IGSF11: variants seen among roughly 807,000 people sequenced by gnomAD.
IGSF11 encodes the protein immunoglobulin superfamily member 11.
Under a neutral mutation model 41.0 loss-of-function variants are expected in IGSF11, and 22 were observed. The ratio of observed to expected loss-of-function variants is 0.54; its 90% CI spans 0.38 to 0.77. IGSF11 has a LOEUF of 0.77. Ranked by LOEUF, IGSF11 falls within the 30% of genes least tolerant of loss-of-function variation. The pLI, the probability that IGSF11 is intolerant of heterozygous loss-of-function variation, is 0.00. For synonymous variants in IGSF11, 219 were observed against 201.3 expected (o/e 1.09, Z -0.74); for missense variants, 444 against 530.8 (o/e 0.84, Z 1.61).
At chr3:119,100,466 C>A (rs866572048) in intron 1 of IGSF11, among the ~76,000 whole-genome samples, 1 of 152,316 alleles carries the variant, frequency 6.6e-6, no homozygotes, top group South Asian at 2.1e-4. Flanking sequence ...GCAGAGATCA[C>A]AGAGATGATG....
chr3:119,052,269 C>T (rs572982077), intron 1 of IGSF11, among the ~76,000 whole-genome samples: 10 of 152,002 alleles, frequency 6.6e-5, no homozygotes, highest in Non-Finnish European at 4.4e-5. Flanking sequence ...CACTTGAGGC[C>T]AGGAGTTCGA....
At chr3:118,927,293 T>G (rs1048748477) in intron 3 of IGSF11, among the ~76,000 whole-genome samples, 1 of 152,196 alleles carries the variant, frequency 6.6e-6, no homozygotes, top group African/African-American at 2.4e-5. Flanking sequence ...GCTTTTTATC[T>G]TCTTTTTAAA....
intron 1 of IGSF11, among the ~76,000 whole-genome samples, chr3:119,072,974 A>G (rs953654896): frequency 1.3e-5 from 2 of 151,930 alleles, no homozygotes; most frequent in Non-Finnish European, 2.9e-5. Flanking sequence ...CTAGACACAA[A>G]AGTTCTGTTA....
chr3:119,000,453 A>G (rs945459191), intron 1 of IGSF11, among the ~76,000 whole-genome samples: 2 of 151,412 alleles, frequency 1.3e-5, no homozygotes, highest in Non-Finnish European at 2.9e-5. Context: ...TGCAAAGTCT[A>G]TTCTATCGTA....
chr3:119,121,155 C>T (rs946962896), intron 1 of IGSF11, among the ~76,000 whole-genome samples: 1 of 151,820 alleles, frequency 6.6e-6, no homozygotes, highest in South Asian at 2.1e-4. Flanking sequence ...AAAATTATGA[C>T]ACTTATGAAA....
chr3:119,045,527 A>C (rs965047400), intron 1 of IGSF11, among the ~76,000 whole-genome samples: 1 of 152,170 alleles, frequency 6.6e-6, no homozygotes. Context: ...CTAGCACAGC[A>C]GTCTGAGATC....
At chr3:119,108,636 G>A (rs1349731620), upstream of IGSF11, among the ~76,000 whole-genome samples, 1 of 117,192 alleles carries the variant, frequency 8.5e-6, no homozygotes, top group Non-Finnish European at 1.8e-5. Context: ...TTGAATAGGA[G>A]TGGTGAGAGA....
chr3:119,005,449 T>C (rs1196323172), intron 1 of IGSF11, among the ~76,000 whole-genome samples: 1 of 150,892 alleles, frequency 6.6e-6, no homozygotes, highest in Non-Finnish European at 1.5e-5. Context: ...AATTGGAGCA[T>C]TTAGTCCATT....
chr3:119,081,236 A>G (rs1336686717), intron 1 of IGSF11, among the ~76,000 whole-genome samples: 1 of 150,808 alleles, frequency 6.6e-6, no homozygotes, highest in Non-Finnish European at 1.5e-5. Flanking sequence ...TTATTCTCCT[A>G]TTTCTGTCTT....
chr3:118,968,687 G>T (rs1444010522), intron 1 of IGSF11, among the ~76,000 whole-genome samples: 1 of 152,176 alleles, frequency 6.6e-6, no homozygotes, highest in Non-Finnish European at 1.5e-5. Context: ...AACTAAAGAT[G>T]TTCAATCTGT....
At chr3:119,080,008 C>A (rs1194887459) in intron 1 of IGSF11, among the ~76,000 whole-genome samples, 2 of 152,112 alleles carry the variant, frequency 1.3e-5, no homozygotes, top group East Asian at 3.9e-4. Flanking sequence ...ATTTAACAAA[C>A]CTGCACATGT....
At chr3:119,125,934 CG>C (rs2077398776) in intron 1 of IGSF11, among the ~76,000 whole-genome samples, 1 of 152,226 alleles carries the variant, frequency 6.6e-6, no homozygotes, top group South Asian at 2.1e-4. Context: ...CCCATGCCAC[CG>C]GGGCCTAGCA....
chr3:119,069,337 T>C (rs1942332070), intron 1 of IGSF11, among the ~76,000 whole-genome samples: 1 of 152,116 alleles, frequency 6.6e-6, no homozygotes, highest in Admixed American at 6.5e-5. Context: ...GTGAAATATA[T>C]TGCCATGGAA....
At chr3:119,103,277 G>A (rs561482678) in intron 1 of IGSF11, among the ~76,000 whole-genome samples, 2 of 152,262 alleles carry the variant, frequency 1.3e-5, no homozygotes, top group African/African-American at 4.8e-5. Context: ...GATTACAGGC[G>A]TGAGCCGCCG....
intron 1 of IGSF11, among the ~76,000 whole-genome samples, chr3:119,112,070 G>GC (rs1470157492): frequency 4.6e-5 from 7 of 152,220 alleles, no homozygotes; most frequent in Non-Finnish European, 1.0e-4. Context: ...GAGGCAGTCT[G>GC]CCCATTCTCA....
At chr3:119,071,385 A>C (rs956122821) in intron 1 of IGSF11, among the ~76,000 whole-genome samples, 2 of 152,194 alleles carry the variant, frequency 1.3e-5, no homozygotes, top group Non-Finnish European at 2.9e-5. Context: ...TGTCATATTT[A>C]AGAAAGCATT....
chr3:118,991,957 A>G (rs1324651701), intron 1 of IGSF11, among the ~76,000 whole-genome samples: 1 of 152,272 alleles, frequency 6.6e-6, no homozygotes, highest in African/African-American at 2.4e-5. Context: ...ATGCACCAGC[A>G]TGGAAAGTGA....
At chr3:118,985,449 T>A (rs2107643032) in intron 1 of IGSF11, among the ~76,000 whole-genome samples, 1 of 152,330 alleles carries the variant, frequency 6.6e-6, no homozygotes, top group Non-Finnish European at 1.5e-5. Context: ...TGAAGACTAA[T>A]GTTCAAAAGC....
At chr3:119,056,889 A>T (rs546511802) in intron 1 of IGSF11, among the ~76,000 whole-genome samples, 2 of 152,354 alleles carry the variant, frequency 1.3e-5, no homozygotes, top group East Asian at 3.9e-4. Flanking sequence ...TTATCTCAAT[A>T]GATGCAGAAA....
Sources: allele counts gnomAD v4.1 joint callset (sites outside exome capture counted in the v4.1 genomes callset), GRCh38; gene constraint gnomAD v4.1.1; transcripts MANE v1.5; gene names NCBI Gene and HGNC (gene_info 2026-07-23, HGNC 2026-07-21).